Variants in SMYD3 observed in about 807,000 individuals in gnomAD.
SMYD3 encodes histone-lysine N-methyltransferase SMYD3.
Under a neutral mutation model 57.7 loss-of-function variants are expected in SMYD3, and 36 were observed. The ratio of observed to expected loss-of-function variants is 0.62; its 90% CI spans 0.48 to 0.82. The LOEUF (loss-of-function observed/expected upper bound fraction) is 0.82. Among genes scored for constraint, SMYD3 ranks in the 40% least tolerant of loss-of-function variants. The probability of loss-of-function intolerance (pLI) is 0.00; values close to 1 mark genes in which losing one functional copy is unlikely to be tolerated. For synonymous variants in SMYD3, 211 were observed against 195.0 expected, an observed-to-expected ratio of 1.08 and a Z score of -0.68; for missense variants, 515 against 538.8, an observed-to-expected ratio of 0.96 and a Z score of 0.44.
chr1:246,287,468 C>T (rs985231497), intron 5 of SMYD3, among the ~76,000 whole-genome samples: 1 of 152,224 alleles, frequency 6.6e-6, no homozygotes, highest in Middle Eastern at 3.4e-3. Flanking sequence ...AAGAACTTAC[C>T]GCTATGTCCA....
intron 5 of SMYD3, among the ~76,000 whole-genome samples, chr1:246,181,035 T>C (rs1371159936): frequency 1.3e-5 from 2 of 152,152 alleles, no homozygotes; most frequent in East Asian, 1.9e-4. Context: ...CATTTAACTA[T>C]GAAAATTACT....
intron 1 of SMYD3, among the ~76,000 whole-genome samples, chr1:246,498,730 CAAAAAA>C (rs1247516323): frequency 1.5e-5 from 1 of 68,084 alleles, no homozygotes. Context: ...GACTCCGTCT[CAAAAAA>C]AAAAAAAAAA....
intron 1 of SMYD3, among the ~76,000 whole-genome samples, chr1:246,478,901 TA>T (rs1368798931): frequency 2.9e-5 from 4 of 138,074 alleles, no homozygotes; most frequent in Admixed American, 2.2e-4. Context: ...AGCTGGTACA[TA>T]AGTGCTCGTA....
In SMYD3 at chr1:246,021,331, C is replaced by G. The variant is rs76200421; in HGVS notation, c.532-91394G>C. ...TTTTGTTTGAGTACAAAATATAGCTCTAGCCTGAAGAAAGACTTAGAGTTA... is the reference window on the plus strand; with the variant it reads ...TTTTGTTTGAGTACAAAATATAGCTGTAGCCTGAAGAAAGACTTAGAGTTA... On this transcript the variant is annotated intron_variant, in intron 5 of 11. Coordinates refer to ENST00000490107, the MANE Select transcript of SMYD3 (RefSeq NM_001167740.2). Among the ~76,000 whole-genome samples the G allele has an allele frequency of 3.9e-5, 6 of 152,278 alleles. No individual in the cohort carries two copies. The East Asian group carries it at 1.2e-3, about 29-fold the overall frequency.
chr1:246,047,776 G>C (rs1038316631), intron 5 of SMYD3, among the ~76,000 whole-genome samples: 1 of 151,938 alleles, frequency 6.6e-6, no homozygotes, highest in African/African-American at 2.4e-5. Context: ...GGAGGTCAAG[G>C]CTACAGTGAG....
At chr1:246,280,243 A>T (rs989784880) in intron 5 of SMYD3, among the ~76,000 whole-genome samples, 1 of 152,240 alleles carries the variant, frequency 6.6e-6, no homozygotes, top group African/African-American at 2.4e-5. Flanking sequence ...TTTTCTTTAT[A>T]ACCAGCTAGG....
chr1:245,962,248 T>G (rs576764616), intron 5 of SMYD3, among the ~76,000 whole-genome samples: 1 of 152,256 alleles, frequency 6.6e-6, no homozygotes, highest in East Asian at 1.9e-4. Context: ...TGCTCTGTTT[T>G]TCCTGCCACC....
intron 5 of SMYD3, among the ~76,000 whole-genome samples, chr1:246,123,006 T>C (rs2061446532): frequency 2.0e-5 from 3 of 152,168 alleles, no homozygotes; most frequent in African/African-American, 7.2e-5. Flanking sequence ...ACACTCTCTA[T>C]AATACCTTAT....
At chr1:246,500,868 T>C (rs770242455) in intron 1 of SMYD3, among the ~76,000 whole-genome samples, 23 of 152,188 alleles carry the variant, frequency 1.5e-4, no homozygotes, top group Non-Finnish European at 2.6e-4. Context: ...CATAAAGCCC[T>C]TTCCCAAACC....
intron 5 of SMYD3, among the ~76,000 whole-genome samples, chr1:246,043,123 T>C (rs1001459671): frequency 2.0e-5 from 3 of 152,216 alleles, no homozygotes; most frequent in African/African-American, 7.2e-5. Context: ...AGTATGCACA[T>C]GTACACATAT....
intron 1 of SMYD3, among the ~76,000 whole-genome samples, chr1:246,503,624 T>C (rs10802417): frequency 0.67 from 102,395 of 152,118 alleles, 34,845 homozygotes; most frequent in Admixed American, 0.73. Flanking sequence ...CAACCTGTTC[T>C]ACCTCCATCA....
intron 5 of SMYD3, among the ~76,000 whole-genome samples, chr1:246,174,331 C>T (rs774411594): frequency 1.3e-5 from 2 of 152,168 alleles, no homozygotes; most frequent in Non-Finnish European, 2.9e-5. Context: ...GGAGTTATGA[C>T]AGGTGGTAGA....
chr1:245,994,213 T>C (rs28532792), intron 5 of SMYD3, among the ~76,000 whole-genome samples: 94,999 of 152,126 alleles, frequency 0.62, 33,420 homozygotes, highest in Non-Finnish European at 0.77. Flanking sequence ...GCATTCCATT[T>C]CTAAAGCCAG....
intron 1 of SMYD3, among the ~76,000 whole-genome samples, chr1:246,433,161 T>C (rs1294675822): frequency 6.6e-6 from 1 of 152,206 alleles, no homozygotes; most frequent in Non-Finnish European, 1.5e-5. Context: ...TCAGCATTTC[T>C]ATACCCCTAT....
intron 5 of SMYD3, among the ~76,000 whole-genome samples, chr1:246,027,148 G>A (rs1054892297): frequency 6.6e-6 from 1 of 152,198 alleles, no homozygotes; most frequent in Non-Finnish European, 1.5e-5. Flanking sequence ...GCTGAGAGAG[G>A]TGAGAAACGA....
intron 8 of SMYD3, among the ~76,000 whole-genome samples, chr1:245,884,448 T>A (rs1454217379): frequency 6.6e-5 from 10 of 152,120 alleles, no homozygotes; most frequent in Non-Finnish European, 1.5e-4. Context: ...TGGGGGTTTT[T>A]ATAGACAAGC....
At chr1:245,910,507 C>T (rs1206995101) in intron 8 of SMYD3, among the ~76,000 whole-genome samples, 27 of 152,124 alleles carry the variant, frequency 1.8e-4, no homozygotes, top group East Asian at 1.9e-4. Context: ...GGAGGCATCA[C>T]GTTACCTGAC....
chr1:245,764,663 G>A (rs1332530480), intron 10 of SMYD3, among the ~76,000 whole-genome samples: 1 of 151,744 alleles, frequency 6.6e-6, no homozygotes, highest in African/African-American at 2.4e-5. Context: ...AGTCCATCAT[G>A]GTACACCTTT....
intron 5 of SMYD3, among the ~76,000 whole-genome samples, chr1:246,055,098 C>G (rs1341094503): frequency 6.6e-6 from 1 of 151,668 alleles, no homozygotes; most frequent in East Asian, 1.9e-4. Context: ...ATGGAGTGAA[C>G]CCGGGTGGCA....
Sources: gnomAD v4.1 joint callset for allele counts (sites outside exome capture counted in the v4.1 genomes callset) on GRCh38, gnomAD v4.1.1 for gene constraint, MANE v1.5 for transcripts, NCBI Gene and HGNC (gene_info 2026-07-23, HGNC 2026-07-21) for gene names.